SLC14A2: variants seen among roughly 807,000 people sequenced by gnomAD.
SLC14A2 encodes solute carrier family 14 member 2.
SLC14A2 carries 91 observed loss-of-function variants against 104.6 expected under a neutral mutation model. That is an observed-to-expected ratio of 0.87 (90% CI 0.73 to 1.04). The LOEUF is 1.04. Ranked by LOEUF, SLC14A2 falls within the 50% of genes least tolerant of loss-of-function variation. SLC14A2 has a pLI of 0.00. For synonymous variants in SLC14A2, 476 were observed against 466.4 expected (o/e 1.02, Z -0.27); for missense variants, 1,189 against 1,156.0 (o/e 1.03, Z -0.41).
At chr18:45,465,115 A>G (rs1218215772) in intron 1 of SLC14A2, among the ~76,000 whole-genome samples, 1 of 152,194 alleles carries the variant, frequency 6.6e-6, no homozygotes, top group Non-Finnish European at 1.5e-5. Flanking sequence ...TACCAGCTAA[A>G]GAGAGAAAAA....
At chr18:45,235,970 T>C (rs368213838) in intron 1 of SLC14A2, among the ~76,000 whole-genome samples, 1 of 76,314 alleles carries the variant, frequency 1.3e-5, no homozygotes, top group Non-Finnish European at 2.5e-5. Context: ...TATATATACA[T>C]ATATGTGTGT....
chr18:45,215,979 C>T (rs2084007391), intron 1 of SLC14A2, among the ~76,000 whole-genome samples: 1 of 152,172 alleles, frequency 6.6e-6, no homozygotes, highest in African/African-American at 2.4e-5. Flanking sequence ...GAGTACATAA[C>T]ATGAAACATT....
At chr18:45,245,134 T>A (rs1342257884) in intron 1 of SLC14A2, among the ~76,000 whole-genome samples, 1 of 152,338 alleles carries the variant, frequency 6.6e-6, no homozygotes, top group East Asian at 1.9e-4. Flanking sequence ...ACCTCCTTTC[T>A]GCAGGAGGAT....
chr18:45,648,107 A>G (rs2045653466), intron 10 of SLC14A2, among the ~76,000 whole-genome samples: 1 of 150,720 alleles, frequency 6.6e-6, no homozygotes, highest in Admixed American at 6.6e-5. Context: ...TAGTTACCAC[A>G]TTGTTTGATG....
intron 1 of SLC14A2, among the ~76,000 whole-genome samples, chr18:45,297,332 A>G (rs975837730): frequency 6.6e-6 from 1 of 152,248 alleles, no homozygotes; most frequent in African/African-American, 2.4e-5. Context: ...TTAGTTTAAC[A>G]ATAGAGATGA....
chr18:45,179,825 A>C, the SLC14A2 span: 1 of 151,988 alleles, frequency 6.6e-6, no homozygotes, highest in South Asian at 2.1e-4. Flanking sequence ...AGAACTTACA[A>C]ATGATAGGAA....
At chr18:45,191,629 A>G in the SLC14A2 span, among the ~76,000 whole-genome samples, 1 of 152,134 alleles carries the variant, frequency 6.6e-6, no homozygotes, top group Admixed American at 6.5e-5. Context: ...TGTCTCCACA[A>G]ACTAGGTCCC....
chr18:45,551,850 A>G (rs2044060252), intron 2 of SLC14A2, among the ~76,000 whole-genome samples: 1 of 152,104 alleles, frequency 6.6e-6, no homozygotes, highest in Non-Finnish European at 1.5e-5. Flanking sequence ...GGAAGGGGAG[A>G]CTTATGTGGA....
chr18:45,488,883 C>G (rs912308253), intron 2 of SLC14A2, among the ~76,000 whole-genome samples: 1 of 152,204 alleles, frequency 6.6e-6, no homozygotes, highest in Non-Finnish European at 1.5e-5. Context: ...GGTGAGCCAG[C>G]ACTGCATAAG....
chr18:45,625,207 G>T (rs534110660), intron 2 of SLC14A2, among the ~76,000 whole-genome samples: 11 of 152,342 alleles, frequency 7.2e-5, no homozygotes, highest in Admixed American at 5.2e-4. Flanking sequence ...ACTCAAGACT[G>T]CTGGGATGGC....
intron 2 of SLC14A2, among the ~76,000 whole-genome samples, chr18:45,564,486 A>G (rs530663061): frequency 1.3e-5 from 2 of 152,264 alleles, no homozygotes; most frequent in East Asian, 3.9e-4. Flanking sequence ...ACAGCTACTG[A>G]TGAGTGAGTT....
At chr18:45,320,921 G>C (rs1055063760) in intron 1 of SLC14A2, among the ~76,000 whole-genome samples, 4 of 152,138 alleles carry the variant, frequency 2.6e-5, no homozygotes. Context: ...CATAAAGATT[G>C]CATCATCAGT....
intron 13 of SLC14A2, 121 bp downstream of exon 13, chr18:45,667,215 TA>T (rs2046041163): frequency 1.4e-6 from 1 of 701,732 alleles, no homozygotes; most frequent in Non-Finnish European, 2.3e-6. Flanking sequence ...TGCACTCTGT[TA>T]CTGTGGTCTT....
chr18:45,388,912 A>G (rs2085930913), intron 1 of SLC14A2, among the ~76,000 whole-genome samples: 1 of 152,236 alleles, frequency 6.6e-6, no homozygotes, highest in African/African-American at 2.4e-5. Flanking sequence ...TTGATGGGCT[A>G]GCATCTAGTG....
At chr18:45,363,109 C>T (rs1038386863) in intron 1 of SLC14A2, among the ~76,000 whole-genome samples, 6 of 152,194 alleles carry the variant, frequency 3.9e-5, no homozygotes, top group Non-Finnish European at 5.9e-5. Flanking sequence ...TTTCCCAAAC[C>T]CCATTTCACA....
chr18:45,551,040 A>T (rs1244319814), intron 2 of SLC14A2, among the ~76,000 whole-genome samples: 2 of 152,188 alleles, frequency 1.3e-5, no homozygotes, highest in Non-Finnish European at 2.9e-5. Flanking sequence ...AGAAAGATAG[A>T]TGTCCCTAGA....
intron 17 of SLC14A2, 103 bp downstream of exon 17, chr18:45,673,150 G>A: frequency 2.7e-6 from 3 of 1,130,472 alleles, no homozygotes; most frequent in Non-Finnish European, 3.8e-6. Context: ...GCTGATTCCT[G>A]TGAACTTTCC....
intron 2 of SLC14A2, among the ~76,000 whole-genome samples, chr18:45,541,860 G>A (rs948060869): frequency 6.6e-6 from 1 of 152,092 alleles, no homozygotes; most frequent in Non-Finnish European, 1.5e-5. Context: ...AGGACACCCT[G>A]TTTACTGTGT....
chr18:45,240,336 C>T (rs192292657), intron 1 of SLC14A2, among the ~76,000 whole-genome samples: 5 of 151,748 alleles, frequency 3.3e-5, no homozygotes, highest in African/African-American at 9.7e-5. Flanking sequence ...ACCTCGTGAT[C>T]AGCCCACCTC....
Sources: gnomAD v4.1 joint callset for allele counts (sites outside exome capture counted in the v4.1 genomes callset) on GRCh38, gnomAD v4.1.1 for gene constraint, MANE v1.5 for transcripts, NCBI Gene and HGNC (gene_info 2026-07-23, HGNC 2026-07-21) for gene names.